Variants in MAST3 observed in about 807,000 individuals in gnomAD.
The protein encoded by MAST3 is microtubule-associated serine/threonine-protein kinase 3.
MAST3 carries 43 observed loss-of-function variants against 127.0 expected under a neutral mutation model. That is an observed-to-expected ratio of 0.34 (90% CI 0.27 to 0.44). The LOEUF (loss-of-function observed/expected upper bound fraction) is 0.44, where lower values mean the gene tolerates loss of function less well. Among genes scored for constraint, MAST3 ranks in the 20% least tolerant of loss-of-function variants. MAST3 has a pLI of 1.00. For missense variants in MAST3, 1,390 were observed against 1,919.1 expected, an observed-to-expected ratio of 0.72 and a Z score of 5.15; for synonymous variants, 785 against 809.2, an observed-to-expected ratio of 0.97 and a Z score of 0.51.
At chr19:18,127,470 G>A (rs936342082) in intron 11 of MAST3, among the ~76,000 whole-genome samples, 12 of 152,122 alleles carry the variant, frequency 7.9e-5, no homozygotes, top group Admixed American at 7.9e-4. Flanking sequence ...GATTACCTGA[G>A]GTCAGGAGTT....
chr19:18,147,540 G>A lies in MAST3; in HGVS notation c.3424G>A (p.Glu1142Lys). Reference sequence around the variant, plus strand: ...ACTCCACCACTCACTGTCATCCAGTGAGAGCCTCCCCGGCTCGCCCACCCA... The same window carrying A: ...ACTCCACCACTCACTGTCATCCAGTAAGAGCCTCCCCGGCTCGCCCACCCA... The part of the protein sequence containing the change: ...SGLHHSLSSS[E>K]SLPGSPTHSL... Residue 1142 changes from glutamate to lysine, a missense_variant, in exon 27 of 28, where the codon GAG (glutamate) becomes AAG (lysine). Transcript: ENST00000687212. 6 of 1,607,220 alleles carry A rather than the reference G, an allele frequency of 3.7e-6. No individual in the cohort carries two copies. The highest frequency in any genetic ancestry group is 4.2e-6 in the Non-Finnish European group (5 of 1,177,030).
At chr19:18,117,558 G>C (rs756729323) in intron 3 of MAST3, among the ~76,000 whole-genome samples, 49 of 152,164 alleles carry the variant, frequency 3.2e-4, no homozygotes, top group Admixed American at 7.9e-4. Flanking sequence ...AGGAAAGCGG[G>C]TTTTTCAGAG....
intron 20 of MAST3, among the ~76,000 whole-genome samples, chr19:18,139,818 T>G (rs1385873822): frequency 1.3e-5 from 2 of 149,546 alleles, no homozygotes; most frequent in African/African-American, 4.9e-5. Flanking sequence ...GCCATTTTTT[T>G]TTTTTCTTTT....
At chr19:18,123,194 T>C in intron 6 of MAST3, 23 bp from the exon 7 acceptor site, 1 of 1,612,718 alleles carries the variant, frequency 6.2e-7, no homozygotes, top group Non-Finnish European at 8.5e-7. Context: ...CTCATGGCTC[T>C]GATCCCCACC....
chr19:18,134,670 G>A lies in MAST3; in HGVS notation c.1663G>A (p.Gly555Ser), dbSNP rs1341567096. ...GAGCATGGCCACCAACCTCTATGAGGGCCACATCGAGAAGGACGCCCGAGA... is the reference window on the plus strand; with the variant it reads ...GAGCATGGCCACCAACCTCTATGAGAGCCACATCGAGAAGGACGCCCGAGA... ...LMSMATNLYEGHIEKDAREFI... is the reference protein window; with the variant it reads ...LMSMATNLYESHIEKDAREFI... Residue 555 changes from glycine (G) to serine (S), a missense_variant, in exon 16 of 28, where the codon GGC becomes AGC. By Grantham distance (56) the Gly-to-Ser change is moderately conservative (BLOSUM62 0). This residue lies in a region of MAST3 where 191 missense variants were observed against 409.0 expected (regional missense o/e 0.47). Transcript: ENST00000687212. 1 of 1,613,724 alleles carries A rather than the reference G, an allele frequency of 6.2e-7. No individual in the cohort carries two copies. Among genetic ancestry groups the A allele is most frequent in the Non-Finnish European group, 8.5e-7 (1 of 1,179,810 alleles).
At chr19:18,114,144 C>T (rs939163394) in intron 3 of MAST3, among the ~76,000 whole-genome samples, 15 of 151,988 alleles carry the variant, frequency 9.9e-5, no homozygotes, top group Admixed American at 2.0e-4. Context: ...GTATAATATG[C>T]ATTATACCTG....
chr19:18,137,409 C>A, intron 19 of MAST3, 48 bp downstream of exon 19: 3 of 1,587,960 alleles, frequency 1.9e-6, no homozygotes, highest in Admixed American at 1.7e-5. Context: ...CTCTGCCATC[C>A]CTCAGTCCCT....
At chr19:18,105,009 G>A (rs1438650896) in intron 1 of MAST3, among the ~76,000 whole-genome samples, 3 of 152,150 alleles carry the variant, frequency 2.0e-5, no homozygotes, top group African/African-American at 7.2e-5. Flanking sequence ...GAATTGAACT[G>A]GACCCAGGTC....
chr19:18,104,010 A>G (rs952323737), intron 1 of MAST3, among the ~76,000 whole-genome samples: 13 of 151,654 alleles, frequency 8.6e-5, no homozygotes, highest in Non-Finnish European at 1.8e-4. Flanking sequence ...CCAGGAGTTC[A>G]AGACCAGCCT....
chr19:18,113,162 C>CCG lies in MAST3; in HGVS notation c.161+2421_161+2422insCG, dbSNP rs2038833310. 2.0e-5 allele frequency among the ~76,000 whole-genome samples: 3 copies of CCG among 152,040 alleles called. No individual in the cohort carries two copies. In the South Asian group the frequency reaches 6.2e-4, roughly 32 times the overall value. On this transcript the variant is annotated intron_variant, in intron 3 of 27. Coordinates refer to ENST00000687212, the MANE Select transcript of MAST3 (RefSeq NM_001393504.1). ...GCCATAAGGCTGCCTCACTCACCACCGGGGGGCAGCAGAGCCACATTGCCT... is the reference window on the plus strand; with the variant it reads ...GCCATAAGGCTGCCTCACTCACCACCCGGGGGGGCAGCAGAGCCACATTGCCT...
At chr19:18,111,519 C>G (rs796137592) in intron 3 of MAST3, among the ~76,000 whole-genome samples, 5 of 142,288 alleles carry the variant, frequency 3.5e-5, no homozygotes, top group African/African-American at 1.4e-4. Context: ...CTGCTTAACT[C>G]TTTCCACAGA....
chr19:18,115,010 G>A (rs2039068282), intron 3 of MAST3, among the ~76,000 whole-genome samples: 1 of 152,128 alleles, frequency 6.6e-6, no homozygotes, highest in Non-Finnish European at 1.5e-5. Context: ...GCACATGCAG[G>A]GAGAGTCAAA....
intron 1 of MAST3, among the ~76,000 whole-genome samples, chr19:18,105,439 T>C (rs2037992601): frequency 6.6e-6 from 1 of 151,040 alleles, no homozygotes; most frequent in Non-Finnish European, 1.5e-5. Flanking sequence ...TCCCAGCATT[T>C]TGTAATCCCG....
At chr19:18,124,591 G>A in intron 10 of MAST3, 51 bp from the exon 11 acceptor site, 2 of 1,522,786 alleles carry the variant, frequency 1.3e-6, no homozygotes, top group Non-Finnish European at 1.8e-6. Context: ...CATGTGCAGA[G>A]GCCTGCAGGT....
rs1242955703 is a variant in MAST3, at chr19:18,122,202, A to ATCAT, written c.320+292_320+295dup. On this transcript the variant is annotated intron_variant, in intron 5 of 27. Transcript: ENST00000687212. ...TAAGAATCATTAACTCACTAAAGAA[A>ATCAT]TCATTCATTCATTCACTTAACAAGA... 3.5e-6 allele frequency: 3 copies of ATCAT among 865,762 alleles called. No individual in the cohort carries two copies. In the African/African-American group the frequency reaches 5.5e-5, roughly 16 times the overall value. 53.6% of individuals were successfully genotyped at this position (865,762 alleles called of 1,614,324 possible). A position where few individuals can be genotyped will look rare whatever the true frequency, so the allele number is the denominator to read the frequency against.
intron 1 of MAST3, among the ~76,000 whole-genome samples, chr19:18,100,125 TC>T (rs1366496474): frequency 1.9e-5 from 2 of 105,354 alleles, no homozygotes; most frequent in African/African-American, 6.5e-5. Context: ...TCTCTCTCTC[TC>T]TCTTTTTTTT....
Position 18,134,998 on chromosome 19 carries a change from G to A in MAST3, c.1870+16G>A, listed in dbSNP as rs759538307. On this transcript the variant is annotated intron_variant, in intron 17 of 27. Coordinates refer to ENST00000687212, the MANE Select transcript of MAST3 (RefSeq NM_001393504.1). ...GTGGTCAGCGGTGCGTTTCCTCCAC[G>A]GGCCTGGGTTTGAGCTGCAGCCCCA... The A allele has an allele frequency of 7.0e-6, 11 of 1,581,020 alleles. No individual in the cohort carries two copies. Among genetic ancestry groups the A allele is most frequent in the Admixed American group, 5.2e-5 (3 of 58,118 alleles).
rs138118107 is a variant in MAST3, at chr19:18,107,996, A to G, written c.71+378A>G. Among the ~76,000 whole-genome samples, 543 of 152,308 alleles carry G rather than the reference A, an allele frequency of 3.6e-3. 3 individuals are homozygous for G. The highest frequency in any genetic ancestry group is 0.01 in the Middle Eastern group (3 of 294). On this transcript the variant is annotated intron_variant, in intron 2 of 27. Transcript: ENST00000687212. ...ACTTCCTTTTGGGGAACACCAGCAG[A>G]AAATCATCTCTCAGCTAGGCACGGT...
chr19:18,132,693 G>A (rs1392236001), intron 15 of MAST3, among the ~76,000 whole-genome samples: 1 of 152,238 alleles, frequency 6.6e-6, no homozygotes, highest in Admixed American at 6.5e-5. Flanking sequence ...CATTTATTGA[G>A]CGCCTGCTGT....
Sources: allele counts gnomAD v4.1 joint callset (sites outside exome capture counted in the v4.1 genomes callset), GRCh38; gene constraint gnomAD v4.1.1; regional missense constraint gnomAD v4.1.1; transcripts MANE v1.5; gene names NCBI Gene and HGNC (gene_info 2026-07-23, HGNC 2026-07-21).